Variants in PUDP observed in about 807,000 individuals in gnomAD.
PUDP encodes the protein pseudouridine-5'-phosphatase.
In PUDP, 8 loss-of-function variants were observed where a neutral mutation model predicts 9.4. The ratio of observed to expected loss-of-function variants is 0.85; its 90% CI spans 0.50 to 1.53. The LOEUF (loss-of-function observed/expected upper bound fraction) is 1.53. Among genes scored for constraint, PUDP ranks in the 40% most tolerant of loss-of-function variants. The pLI is 0.00. For synonymous variants in PUDP, 99 were observed against 80.7 expected, an observed-to-expected ratio of 1.23 and a Z score of -1.22; for missense variants, 188 against 189.7, an observed-to-expected ratio of 0.99 and a Z score of 0.05.
At chrX:6,838,347 C>T (rs775377300) in intron 3 of PUDP, among the ~76,000 whole-genome samples, 2 of 112,352 alleles carry the variant, frequency 1.8e-5, no homozygotes, top group Non-Finnish European at 3.8e-5. Context: ...TGGAGGTGTC[C>T]ACTCACTGCC....
chrX:6,785,587 T>A (rs1925633082), intron 3 of PUDP, among the ~76,000 whole-genome samples: 1 of 111,219 alleles, frequency 9.0e-6, no homozygotes, highest in African/African-American at 3.3e-5. Context: ...AACATAATCA[T>A]TAGGTAAGTT....
intron 3 of PUDP, among the ~76,000 whole-genome samples, chrX:6,968,660 C>T (rs374035378): frequency 9.2e-6 from 1 of 108,292 alleles, no homozygotes; most frequent in Non-Finnish European, 1.9e-5. Flanking sequence ...TTTTCTTTTT[C>T]CTAGGTTGGA....
Position 6,825,815 on chromosome X carries a change from A to G in PUDP, c.*248-119349T>C, listed in dbSNP as rs1290020471. 3.6e-5 allele frequency among the ~76,000 whole-genome samples: 4 copies of G among 111,087 alleles called. No homozygotes were observed. The South Asian group carries it at 1.2e-3, about 33-fold the overall frequency. ...TGCAAGAGAACAGATCTATCCCTCA[A>G]GGTTCCTTCTCCAGCAGACCCACAT... On this transcript the variant is annotated intron_variant and NMD_transcript_variant, in intron 3 of 3. Transcript: ENST00000655425.
chrX:6,792,868 TAC>T (rs1308354705), intron 3 of PUDP, among the ~76,000 whole-genome samples: 1 of 112,870 alleles, frequency 8.9e-6, no homozygotes, highest in East Asian at 2.8e-4. Context: ...TTCTCTCTTA[TAC>T]ACACGGATGT....
chrX:7,041,525 A>T (rs1463124194), intron 1 of PUDP, among the ~76,000 whole-genome samples: 2 of 112,251 alleles, frequency 1.8e-5, no homozygotes, highest in African/African-American at 6.5e-5. Context: ...TTTGGAAGAA[A>T]GTTAAGATTC....
chrX:7,145,773 C>T (rs1932845053), intron 1 of PUDP, among the ~76,000 whole-genome samples: 1 of 111,443 alleles, frequency 9.0e-6, no homozygotes, highest in East Asian at 2.8e-4. Context: ...TGAAACTATT[C>T]GTTTTCAATT....
chrX:6,736,752 C>G (rs1351472471), intron 3 of PUDP, among the ~76,000 whole-genome samples: 1 of 111,218 alleles, frequency 9.0e-6, no homozygotes, highest in East Asian at 2.8e-4. Flanking sequence ...AACACAGGAA[C>G]AGAAAACCAA....
At chrX:6,828,711 C>T (rs1024979430) in intron 3 of PUDP, among the ~76,000 whole-genome samples, 11 of 111,385 alleles carry the variant, frequency 9.9e-5, no homozygotes, top group African/African-American at 3.6e-4. Context: ...ATATTCATCC[C>T]TCCCCCTAAC....
chrX:6,771,001 A>G (rs1170788224), intron 3 of PUDP, among the ~76,000 whole-genome samples: 1 of 111,572 alleles, frequency 9.0e-6, no homozygotes, highest in Non-Finnish European at 1.9e-5. Context: ...AATCATTCCA[A>G]ATAAGTTGTA....
chrX:6,926,042 G>T (rs1241344571), intron 3 of PUDP, among the ~76,000 whole-genome samples: 1 of 111,458 alleles, frequency 9.0e-6, no homozygotes, highest in African/African-American at 3.3e-5. Flanking sequence ...AAAGGGAGAG[G>T]ATATAAGGTG....
intron 3 of PUDP, among the ~76,000 whole-genome samples, chrX:6,751,894 C>CAT (rs2146670199): frequency 9.0e-6 from 1 of 111,051 alleles, no homozygotes; most frequent in South Asian, 3.9e-4. Flanking sequence ...TATGAGGCAG[C>CAT]ATCACCTGTG....
intron 1 of PUDP, among the ~76,000 whole-genome samples, chrX:7,030,983 G>A (rs1031633554): frequency 2.7e-5 from 3 of 111,604 alleles, no homozygotes; most frequent in Non-Finnish European, 3.8e-5. Context: ...TATGCTAAAC[G>A]AGGGGTTGAT....
chrX:7,022,712 C>T (rs923257521), intron 1 of PUDP, among the ~76,000 whole-genome samples: 2 of 111,941 alleles, frequency 1.8e-5, no homozygotes, highest in Non-Finnish European at 3.8e-5. Flanking sequence ...GTATTTAGAG[C>T]ATGCTATTGT....
chrX:6,730,873 T>C (rs759384115), intron 3 of PUDP, among the ~76,000 whole-genome samples: 86 of 111,029 alleles, frequency 7.7e-4, no homozygotes, highest in Non-Finnish European at 1.5e-3. Flanking sequence ...AACTGTGAAG[T>C]TCAAGACTCA....
chrX:6,914,220 G>A (rs186780768), intron 3 of PUDP, among the ~76,000 whole-genome samples: 2,230 of 104,181 alleles, frequency 0.021, 28 homozygotes, highest in Middle Eastern at 0.056. Context: ...ATATAGAGAA[G>A]AAAAATCACA....
chrX:7,037,494 CACCCA>C (rs1300702419), intron 1 of PUDP, among the ~76,000 whole-genome samples: 2 of 111,729 alleles, frequency 1.8e-5, no homozygotes. Flanking sequence ...CAATGTGTGC[CACCCA>C]ACCACTTTGG....
At chrX:7,014,142 C>G (rs1456682037) in intron 1 of PUDP, among the ~76,000 whole-genome samples, 1 of 110,546 alleles carries the variant, frequency 9.0e-6, no homozygotes, top group African/African-American at 3.3e-5. Flanking sequence ...TCCTTCCCTT[C>G]TCTCTTTCTC....
intron 3 of PUDP, among the ~76,000 whole-genome samples, chrX:7,056,247 T>G (rs1469697165): frequency 8.9e-6 from 1 of 112,326 alleles, no homozygotes; most frequent in African/African-American, 3.2e-5. Flanking sequence ...GTTGCTCCTT[T>G]GAGGGTGGTG....
intron 3 of PUDP, among the ~76,000 whole-genome samples, chrX:6,890,190 G>A (rs1246517014): frequency 8.9e-6 from 1 of 111,821 alleles, no homozygotes; most frequent in Admixed American, 9.5e-5. Context: ...GACCAAGTAT[G>A]CATCGCCTTT....
Sources: allele counts gnomAD v4.1 joint callset (sites outside exome capture counted in the v4.1 genomes callset), GRCh38; gene constraint gnomAD v4.1.1; transcripts MANE v1.5; gene names NCBI Gene and HGNC (gene_info 2026-07-23, HGNC 2026-07-21).